Variants in VWF observed in about 807,000 individuals in gnomAD.
The protein encoded by VWF is von Willebrand factor.
Under a neutral mutation model 308.6 loss-of-function variants are expected in VWF, and 176 were observed. The ratio of observed to expected loss-of-function variants is 0.57; its 90% CI spans 0.50 to 0.65. VWF has a LOEUF of 0.65. VWF is among the 30% of genes least tolerant of loss of function. VWF has a pLI of 0.00. For synonymous variants in VWF, 1,385 were observed against 1,443.4 expected (o/e 0.96, Z 0.92); for missense variants, 3,146 against 3,648.2 (o/e 0.86, Z 3.55).
chr12:5,974,339 C>G (rs1484126418), intron 43 of VWF, among the ~76,000 whole-genome samples: 3 of 152,150 alleles, frequency 2.0e-5, no homozygotes, highest in Admixed American at 2.0e-4. Flanking sequence ...GCCTCTAAGA[C>G]AGGGCACTCG....
intron 2 of VWF, among the ~76,000 whole-genome samples, chr12:6,122,158 T>G (rs1434584067): frequency 2.0e-5 from 3 of 152,238 alleles, no homozygotes; most frequent in African/African-American, 7.2e-5. Flanking sequence ...GTCGTGCTAG[T>G]GTATATACTT....
chr12:5,949,634 A>G (rs1011149160), intron 51 of VWF, 152 bp downstream of exon 51: 11 of 839,414 alleles, frequency 1.3e-5, no homozygotes, highest in Non-Finnish European at 2.1e-5. Context: ...TTACTTCAAT[A>G]AAACATTTGC....
intron 38 of VWF, among the ~76,000 whole-genome samples, chr12:5,989,928 A>C (rs1000431985): frequency 6.6e-6 from 1 of 152,210 alleles, no homozygotes; most frequent in Non-Finnish European, 1.5e-5. Context: ...CCATATGTAA[A>C]TTGGTCCACA....
intron 13 of VWF, among the ~76,000 whole-genome samples, chr12:6,062,634 C>A (rs1003445435): frequency 6.6e-6 from 1 of 152,282 alleles, no homozygotes; most frequent in African/African-American, 2.4e-5. Context: ...CAGGGAGACA[C>A]CCCTGCTCCC....
chr12:5,977,119 T>C (rs1296418814), intron 42 of VWF, among the ~76,000 whole-genome samples: 2 of 152,214 alleles, frequency 1.3e-5, no homozygotes, highest in Admixed American at 6.5e-5. Flanking sequence ...CCCCTTGTTC[T>C]ATTAAAAGGC....
chr12:6,120,405 C>A (rs113566801), intron 3 of VWF, among the ~76,000 whole-genome samples: 1 of 151,646 alleles, frequency 6.6e-6, no homozygotes, highest in African/African-American at 2.4e-5. Flanking sequence ...CAGGTTCAAG[C>A]GATTCTCCTG....
chr12:6,004,800 G>A (rs577386737), intron 34 of VWF, among the ~76,000 whole-genome samples: 1 of 151,784 alleles, frequency 6.6e-6, no homozygotes, highest in East Asian at 1.9e-4. Flanking sequence ...GAACATAATG[G>A]AGAAGAAAAA....
intron 34 of VWF, among the ~76,000 whole-genome samples, chr12:5,996,750 C>CAAAAAA (rs61616182): frequency 1.7e-5 from 1 of 60,470 alleles, no homozygotes. Context: ...TTTCCAGAGC[C>CAAAAAA]AAAAAAAAAA....
At chr12:5,949,698 G>C (rs1943157440) in intron 51 of VWF, 88 bp downstream of exon 51, 1 of 1,341,984 alleles carries the variant, frequency 7.5e-7, no homozygotes, top group African/African-American at 1.4e-5. Flanking sequence ...GAATTTTCCA[G>C]ATCCTTCTAG....
At chr12:5,949,698 G>T (rs1943157440) in intron 51 of VWF, 88 bp downstream of exon 51, 1 of 1,342,102 alleles carries the variant, frequency 7.5e-7, no homozygotes, top group South Asian at 1.2e-5. Context: ...GAATTTTCCA[G>T]ATCCTTCTAG....
intron 38 of VWF, among the ~76,000 whole-genome samples, chr12:5,991,224 C>A (rs1176657230): frequency 6.6e-6 from 1 of 151,266 alleles, no homozygotes; most frequent in Non-Finnish European, 1.5e-5. Flanking sequence ...CACACACGCT[C>A]CATGATCAAA....
In VWF at chr12:6,043,057, G is replaced by A. The variant is rs879418568; in HGVS notation, c.2442+1234C>T. ...AGATTCCCCACCTTAGAGACCCTTC[G>A]TGATATCCACCTTCTGCTAAGGCAC... On this transcript the variant is annotated intron_variant, in intron 18 of 51. Coordinates refer to ENST00000261405, the MANE Select transcript of VWF (RefSeq NM_000552.5). Among the ~76,000 whole-genome samples, 16 of 152,212 alleles carry A rather than the reference G, an allele frequency of 1.1e-4. No individual in the cohort carries two copies. The East Asian group carries it at 1.3e-3, about 13-fold the overall frequency.
Position 6,021,883 on chromosome 12 carries a change from C to G in VWF, c.3674+17G>C, listed in dbSNP as rs1234568018. ...AATAAGATTCATCACTTCAAACAAC[C>G]CAGGAATCTGTTTTACCAAATCTGG... On this transcript the variant is annotated intron_variant, in intron 27 of 51. Coordinates refer to ENST00000261405, the MANE Select transcript of VWF (RefSeq NM_000552.5). 4 of 1,614,138 alleles carry G rather than the reference C, an allele frequency of 2.5e-6. No homozygotes were observed. The highest frequency in any genetic ancestry group is 3.4e-6 in the Non-Finnish European group (4 of 1,180,022).
intron 6 of VWF, among the ~76,000 whole-genome samples, chr12:6,077,440 C>T (rs572798326): frequency 1.3e-5 from 2 of 152,356 alleles, no homozygotes; most frequent in South Asian, 4.1e-4. Context: ...TCGGGGCCAA[C>T]AGCAGCCCCT....
intron 10 of VWF, among the ~76,000 whole-genome samples, chr12:6,067,908 C>T (rs1325137409): frequency 6.6e-6 from 1 of 151,920 alleles, no homozygotes. Flanking sequence ...CTGAGACAGG[C>T]GGAGCACCCA....
At chr12:6,086,458 T>C (rs983304076) in intron 6 of VWF, among the ~76,000 whole-genome samples, 2 of 152,210 alleles carry the variant, frequency 1.3e-5, no homozygotes, top group African/African-American at 4.8e-5. Context: ...CCAAGGGTCC[T>C]TCCTTGAGAT....
intron 50 of VWF, 144 bp downstream of exon 50, chr12:5,951,700 G>T: frequency 1.1e-6 from 1 of 933,700 alleles, no homozygotes; most frequent in Non-Finnish European, 1.7e-6. Context: ...ACTGACCAGT[G>T]GTCACGAAAT....
At chr12:6,038,255 C>G (rs73034862) in intron 18 of VWF, among the ~76,000 whole-genome samples, 6,578 of 152,302 alleles carry the variant, frequency 0.043, 188 homozygotes, top group Non-Finnish European at 0.064. Context: ...TGAGGCCCAC[C>G]ACCTAGTGGC....
chr12:6,027,066 C>T (rs1031743564), intron 22 of VWF, among the ~76,000 whole-genome samples: 3 of 152,178 alleles, frequency 2.0e-5, no homozygotes, highest in Non-Finnish European at 4.4e-5. Flanking sequence ...CAGCTTGGTA[C>T]AAGGGGTGTA....
Sources: allele counts gnomAD v4.1 joint callset (sites outside exome capture counted in the v4.1 genomes callset), GRCh38; gene constraint gnomAD v4.1.1; transcripts MANE v1.5; gene names NCBI Gene and HGNC (gene_info 2026-07-23, HGNC 2026-07-21).